The following ANKRD44 variants were observed in gnomAD, a reference collection of about 807,000 sequenced individuals.
ANKRD44 encodes ankyrin repeat domain 44, also known as serine/threonine-protein phosphatase 6 regulatory ankyrin repeat subunit B.
ANKRD44 carries 35 observed loss-of-function variants against 116.0 expected under a neutral mutation model. That is an observed-to-expected ratio of 0.30 (90% CI 0.23 to 0.40). The LOEUF (loss-of-function observed/expected upper bound fraction) is 0.40, where lower values mean the gene tolerates loss of function less well. Ranked by LOEUF, ANKRD44 falls within the 10% of genes least tolerant of loss-of-function variation. The pLI is 1.00. For synonymous variants in ANKRD44, 435 were observed against 461.8 expected, an observed-to-expected ratio of 0.94 and a Z score of 0.74; for missense variants, 1,014 against 1,242.6, an observed-to-expected ratio of 0.82 and a Z score of 2.77.
In ANKRD44 at chr2:197,121,498, C is replaced by T; in HGVS notation, c.740G>A (p.Cys247Tyr). The change falls in exon 8 of 28, where the codon TGC (cysteine) becomes TAC (tyrosine). Residue 247 changes from cysteine (C) to tyrosine (Y), a missense_variant. Coordinates refer to ENST00000282272, the MANE Select transcript of ANKRD44 (RefSeq NM_001195144.2). ...VYGNTALHIA[C>Y]YNGQDAVVNE... ...AACCACAGCATCCTGTCCATTGTAG[C>T]AGGCGATGTGAAGCGCTGTATTTCC... 6.2e-7 allele frequency: 1 copy of T among 1,614,216 alleles called. No individual in the cohort carries two copies. Among genetic ancestry groups the T allele is most frequent in the Non-Finnish European group, 8.5e-7 (1 of 1,180,038 alleles).
At chr2:197,306,849 C>G (rs1372659507) in intron 1 of ANKRD44, among the ~76,000 whole-genome samples, 1 of 152,210 alleles carries the variant, frequency 6.6e-6, no homozygotes, top group Non-Finnish European at 1.5e-5. Flanking sequence ...ACCAGAAGGC[C>G]TCCAGGCAGG....
At chr2:197,094,481 A>T (rs6712325) in intron 10 of ANKRD44, among the ~76,000 whole-genome samples, 1 of 152,104 alleles carries the variant, frequency 6.6e-6, no homozygotes, top group Non-Finnish European at 1.5e-5. Flanking sequence ...AATCAGCAGT[A>T]CATGAGTTTT....
intron 1 of ANKRD44, among the ~76,000 whole-genome samples, chr2:197,303,677 T>C (rs1252782010): frequency 6.6e-6 from 1 of 152,146 alleles, no homozygotes; most frequent in East Asian, 1.9e-4. Context: ...GCAAGGGGAC[T>C]CTAAGCAAAC....
At chr2:197,263,155 G>T in intron 1 of ANKRD44, 2 of 474,330 alleles carry the variant, frequency 4.2e-6, no homozygotes, top group Non-Finnish European at 4.0e-6. Context: ...CCTTGGTCAA[G>T]AGCGCCTCAC....
chr2:197,149,897 A>C (rs145819148), intron 2 of ANKRD44, among the ~76,000 whole-genome samples: 1 of 152,348 alleles, frequency 6.6e-6, no homozygotes, highest in Non-Finnish European at 1.5e-5. Flanking sequence ...GATGGAATAG[A>C]AGGAGGGCGA....
At chr2:197,089,821 AC>A (rs2125174064) in intron 11 of ANKRD44, 128 bp downstream of exon 11, 2 of 694,166 alleles carry the variant, frequency 2.9e-6, no homozygotes, top group East Asian at 5.7e-5. Context: ...GCTGAGAAAT[AC>A]AACTCATCCT....
Position 197,199,677 on chromosome 2 carries a change from C to T in ANKRD44, c.28-12571G>A, listed in dbSNP as rs946372735. Among the ~76,000 whole-genome samples, 5 of 152,186 alleles carry T rather than the reference C, an allele frequency of 3.3e-5. No homozygotes were observed. In the East Asian group the frequency reaches 5.8e-4, roughly 18 times the overall value. On this transcript the variant is annotated intron_variant, in intron 1 of 27. Transcript: ENST00000282272. The stretch of plus-strand genomic sequence containing the variant: ...GTGGTCTCAAATTCTTGGGTTCAAG[C>T]GATCCTCCCACCCAAGTATCTGTAA...
intron 10 of ANKRD44, among the ~76,000 whole-genome samples, chr2:197,092,353 T>A (rs2078061369): frequency 6.6e-6 from 1 of 152,228 alleles, no homozygotes; most frequent in Non-Finnish European, 1.5e-5. Flanking sequence ...ACACATATGA[T>A]TTGAATTTGT....
chr2:197,112,461 G>A (rs1469214649), intron 8 of ANKRD44, among the ~76,000 whole-genome samples: 3 of 152,162 alleles, frequency 2.0e-5, no homozygotes, highest in African/African-American at 7.2e-5. Context: ...TGTAATCCCA[G>A]CACTTTGGGA....
intron 16 of ANKRD44, among the ~76,000 whole-genome samples, chr2:197,065,237 G>A (rs976323181): frequency 9.2e-5 from 14 of 152,160 alleles, no homozygotes; most frequent in Non-Finnish European, 1.5e-5. Flanking sequence ...CAGAAATAAA[G>A]ATGTTCTTTG....
intron 1 of ANKRD44, chr2:197,263,478 G>C (rs923928797): frequency 2.4e-6 from 1 of 411,214 alleles, no homozygotes; most frequent in Admixed American, 3.6e-5. Flanking sequence ...TTACCCTCTA[G>C]GAAACCATGG....
At chr2:196,990,128 A>G (rs1253986242) in intron 27 of ANKRD44, 1 of 994,836 alleles carries the variant, frequency 1.0e-6, no homozygotes, top group Non-Finnish European at 1.2e-6. Flanking sequence ...TCAAATGCTT[A>G]CTATAGAGAG....
At chr2:197,305,178 G>A (rs1035415156) in intron 1 of ANKRD44, among the ~76,000 whole-genome samples, 1 of 151,288 alleles carries the variant, frequency 6.6e-6, no homozygotes, top group Non-Finnish European at 1.5e-5. Flanking sequence ...CATACATGAT[G>A]TGTCAGGAAA....
chr2:197,023,760 G>A (rs1451461424), intron 17 of ANKRD44, among the ~76,000 whole-genome samples: 2 of 152,136 alleles, frequency 1.3e-5, no homozygotes, highest in Non-Finnish European at 1.5e-5. Flanking sequence ...TCAGCTTTGG[G>A]GTAACTTCCC....
intron 16 of ANKRD44, among the ~76,000 whole-genome samples, chr2:197,028,379 C>G (rs1290966101): frequency 6.6e-6 from 1 of 152,162 alleles, no homozygotes; most frequent in Non-Finnish European, 1.5e-5. Context: ...CAAGTCACCA[C>G]GCCTGGCTCT....
At chr2:196,999,627 T>G (rs2076078318) in intron 23 of ANKRD44, among the ~76,000 whole-genome samples, 1 of 151,798 alleles carries the variant, frequency 6.6e-6, no homozygotes, top group Non-Finnish European at 1.5e-5. Flanking sequence ...AGAGTCTCAC[T>G]CTGTTGCCCA....
At chr2:197,109,036 G>C (rs970516698) in intron 9 of ANKRD44, among the ~76,000 whole-genome samples, 2 of 152,204 alleles carry the variant, frequency 1.3e-5, no homozygotes, top group Non-Finnish European at 2.9e-5. Context: ...GAGATGACCA[G>C]CATGGCCTGA....
intron 5 of ANKRD44, 102 bp from the exon 6 acceptor site, chr2:197,125,570 G>T: frequency 8.8e-7 from 1 of 1,130,886 alleles, no homozygotes; most frequent in Non-Finnish European, 1.3e-6. Flanking sequence ...AAATCTAAAG[G>T]CAGGTCAGAG....
chr2:197,086,796 G>A, intron 12 of ANKRD44, 48 bp from the exon 13 acceptor site: 1 of 1,564,272 alleles, frequency 6.4e-7, no homozygotes, highest in Non-Finnish European at 8.8e-7. Context: ...ATCAATTACT[G>A]GCCTATCTTC....
Sources: gnomAD v4.1 joint callset for allele counts (sites outside exome capture counted in the v4.1 genomes callset) on GRCh38, gnomAD v4.1.1 for gene constraint, MANE v1.5 for transcripts, NCBI Gene and HGNC (gene_info 2026-07-23, HGNC 2026-07-21) for gene names.